ZMYND11: variants seen among roughly 807,000 people sequenced by gnomAD.
ZMYND11 encodes zinc finger MYND domain-containing protein 11.
In ZMYND11, 9 loss-of-function variants were observed where a neutral mutation model predicts 84.9. The ratio of observed to expected loss-of-function variants is 0.11; its 90% CI spans 0.06 to 0.18. The LOEUF is 0.18. Ranked by LOEUF, ZMYND11 falls within the 10% of genes least tolerant of loss-of-function variation. ZMYND11 has a pLI of 1.00. For synonymous variants in ZMYND11, 250 were observed against 244.1 expected, an observed-to-expected ratio of 1.02 and a Z score of -0.23; for missense variants, 409 against 761.0, an observed-to-expected ratio of 0.54 and a Z score of 5.44.
intron 1 of ZMYND11, among the ~76,000 whole-genome samples, chr10:139,754 C>T (rs1837059036): frequency 6.9e-6 from 1 of 144,382 alleles, no homozygotes; most frequent in African/African-American, 2.6e-5. Flanking sequence ...CTCTGTTGCC[C>T]AGGCTGGAGT....
chr10:222,664 T>G (rs544533480), intron 4 of ZMYND11, among the ~76,000 whole-genome samples: 134 of 152,042 alleles, frequency 8.8e-4, no homozygotes, highest in African/African-American at 3.0e-3. Flanking sequence ...TTCCATTTTC[T>G]GATAGAAGTT....
intron 1 of ZMYND11, among the ~76,000 whole-genome samples, chr10:150,060 G>A (rs982481034): frequency 7.2e-5 from 11 of 152,274 alleles, no homozygotes; most frequent in African/African-American, 2.6e-4. Flanking sequence ...CAGGGATATT[G>A]GTCTAAAATT....
At chr10:223,060 C>G (rs1330619499) in intron 4 of ZMYND11, among the ~76,000 whole-genome samples, 2 of 147,948 alleles carry the variant, frequency 1.4e-5, no homozygotes, top group East Asian at 2.0e-4. Context: ...GACTGAGTCT[C>G]TCTCTGTCAT....
chr10:246,084 A>T (rs1373075542), intron 10 of ZMYND11, among the ~76,000 whole-genome samples: 2 of 152,128 alleles, frequency 1.3e-5, no homozygotes, highest in Non-Finnish European at 2.9e-5. Flanking sequence ...AATGCCCAGG[A>T]AAAAGTGTTC....
At chr10:211,895 T>A (rs1195858380) in intron 3 of ZMYND11, among the ~76,000 whole-genome samples, 5 of 152,180 alleles carry the variant, frequency 3.3e-5, no homozygotes, top group Non-Finnish European at 4.4e-5. Flanking sequence ...GCCTCAGGTA[T>A]TTAAAGGAGG....
upstream of ZMYND11, among the ~76,000 whole-genome samples, chr10:131,688 C>A (rs1291828921): frequency 6.6e-6 from 1 of 151,916 alleles, no homozygotes; most frequent in Non-Finnish European, 1.5e-5. Flanking sequence ...CCACATCTGG[C>A]TATTTTTTTT....
At chr10:167,466 A>C (rs9419434) in intron 1 of ZMYND11, among the ~76,000 whole-genome samples, 27 of 152,282 alleles carry the variant, frequency 1.8e-4, no homozygotes, top group Non-Finnish European at 3.8e-4. Context: ...TAGTATAACT[A>C]AAAAAGTAAT....
chr10:209,114 A>C (rs947173912), intron 2 of ZMYND11, among the ~76,000 whole-genome samples: 1 of 152,076 alleles, frequency 6.6e-6, no homozygotes, highest in South Asian at 2.1e-4. Context: ...CACAAATCCA[A>C]CTTTATAACA....
chr10:238,449 C>T (rs1489778816), intron 6 of ZMYND11, among the ~76,000 whole-genome samples: 1 of 152,114 alleles, frequency 6.6e-6, no homozygotes, highest in Non-Finnish European at 1.5e-5. Flanking sequence ...CTCTGCCTCC[C>T]GGGTTCACGC....
chr10:169,861 G>A (rs961152752), intron 1 of ZMYND11, among the ~76,000 whole-genome samples: 6 of 152,012 alleles, frequency 3.9e-5, no homozygotes, highest in South Asian at 4.2e-4. Context: ...AAGAAGGAGC[G>A]AAAGGGACAG....
chr10:245,118 G>A (rs186648748), intron 10 of ZMYND11, among the ~76,000 whole-genome samples: 1 of 152,222 alleles, frequency 6.6e-6, no homozygotes, highest in East Asian at 1.9e-4. Context: ...GATTTCATGT[G>A]TACTCTGCAT....
intron 3 of ZMYND11, among the ~76,000 whole-genome samples, chr10:212,368 CTGAT>C (rs1321379620): frequency 2.6e-5 from 4 of 151,848 alleles, no homozygotes; most frequent in Non-Finnish European, 4.4e-5. Context: ...AGGTTTAATT[CTGAT>C]TGGTTCTTTC....
At chr10:241,971 C>T (rs1255841237) in intron 9 of ZMYND11, 50 bp from the exon 10 acceptor site, 2 of 1,589,228 alleles carry the variant, frequency 1.3e-6, no homozygotes, top group Non-Finnish European at 8.6e-7. Context: ...GGTACACTTG[C>T]ATTTAATACT....
At chr10:149,324 A>ATTT (rs1839749050) in intron 1 of ZMYND11, among the ~76,000 whole-genome samples, 2 of 144,472 alleles carry the variant, frequency 1.4e-5, no homozygotes, top group African/African-American at 2.6e-5. Context: ...TATTATTATT[A>ATTT]TTTTTCAGAC....
chr10:157,245 G>C (rs1362017684), intron 1 of ZMYND11, among the ~76,000 whole-genome samples: 2 of 152,126 alleles, frequency 1.3e-5, no homozygotes, highest in Non-Finnish European at 1.5e-5. Context: ...TGTCGCCCAG[G>C]CTGGAATGCA....
At chr10:130,855 G>A (rs1352384943), upstream of ZMYND11, among the ~76,000 whole-genome samples, 5 of 152,104 alleles carry the variant, frequency 3.3e-5, no homozygotes, top group South Asian at 2.1e-4. Context: ...ACGGTGGCTC[G>A]CGCCTGTAAT....
intron 2 of ZMYND11, among the ~76,000 whole-genome samples, chr10:206,349 G>T (rs917874627): frequency 2.0e-5 from 3 of 152,170 alleles, no homozygotes; most frequent in African/African-American, 7.2e-5. Flanking sequence ...AACAGAGTGA[G>T]ATTCCATCTC....
intron 1 of ZMYND11, among the ~76,000 whole-genome samples, chr10:163,480 G>A (rs1206716588): frequency 6.6e-6 from 1 of 151,814 alleles, no homozygotes; most frequent in East Asian, 1.9e-4. Context: ...TTGGGAGATT[G>A]CCTCAAATTT....
chr10:205,730 A>G (rs1944007535), intron 2 of ZMYND11, among the ~76,000 whole-genome samples: 4 of 151,982 alleles, frequency 2.6e-5, no homozygotes, highest in Admixed American at 2.6e-4. Context: ...TGGATTCTAC[A>G]CATTTTCTTT....
Sources: allele counts gnomAD v4.1 joint callset (sites outside exome capture counted in the v4.1 genomes callset), GRCh38; gene constraint gnomAD v4.1.1; transcripts MANE v1.5; gene names NCBI Gene and HGNC (gene_info 2026-07-23, HGNC 2026-07-21).